Variants in SYCP1 observed in about 807,000 individuals in gnomAD.
SYCP1 encodes cancer/testis antigen 8.
Under a neutral mutation model 153.1 loss-of-function variants are expected in SYCP1, and 64 were observed. The observed-to-expected ratio is 0.42, with a 90% CI of 0.34 to 0.51. SYCP1 has a LOEUF of 0.51. Among genes scored for constraint, SYCP1 ranks in the 20% least tolerant of loss-of-function variants. SYCP1 has a pLI of 0.06. For missense variants in SYCP1, 997 were observed against 1,049.0 expected (o/e 0.95, Z 0.68); for synonymous variants, 384 against 341.8 (o/e 1.12, Z -1.36).
intron 23 of SYCP1, among the ~76,000 whole-genome samples, chr1:114,938,035 T>G (rs1670135771): frequency 6.6e-6 from 1 of 152,146 alleles, no homozygotes. Context: ...GACCCAGAGA[T>G]CCCATTACTG....
At chr1:114,888,490 T>G (rs1236784847) in intron 15 of SYCP1, among the ~76,000 whole-genome samples, 1 of 152,010 alleles carries the variant, frequency 6.6e-6, no homozygotes, top group Non-Finnish European at 1.5e-5. Flanking sequence ...TTGGTTGAAC[T>G]TTTGGACCAT....
At chr1:114,882,535 C>A (rs1016559044) in intron 12 of SYCP1, among the ~76,000 whole-genome samples, 1 of 151,850 alleles carries the variant, frequency 6.6e-6, no homozygotes, top group African/African-American at 2.4e-5. Context: ...ATATACAAAC[C>A]ATAGCTGTTT....
intron 23 of SYCP1, among the ~76,000 whole-genome samples, chr1:114,940,553 T>G (rs1670322067): frequency 6.6e-6 from 1 of 152,218 alleles, no homozygotes; most frequent in Non-Finnish European, 1.5e-5. Context: ...CTCCTGTATC[T>G]CTTAATTTCT....
chr1:114,922,125 T>C (rs1214019769), intron 20 of SYCP1, among the ~76,000 whole-genome samples: 6 of 152,196 alleles, frequency 3.9e-5, no homozygotes, highest in Non-Finnish European at 7.3e-5. Flanking sequence ...GGTTTAAATA[T>C]AGTTGGTATT....
chr1:114,886,719 T>G (rs942959374), intron 14 of SYCP1, among the ~76,000 whole-genome samples: 6 of 152,084 alleles, frequency 3.9e-5, no homozygotes, highest in Non-Finnish European at 7.4e-5. Flanking sequence ...TAGCCTGGCA[T>G]AGGTAAGTAC....
At chr1:114,890,512 C>T (rs1666631499) in intron 15 of SYCP1, among the ~76,000 whole-genome samples, 1 of 151,656 alleles carries the variant, frequency 6.6e-6, no homozygotes, top group African/African-American at 2.4e-5. Flanking sequence ...ATACTGATAC[C>T]AAGAGGAAGC....
intron 29 of SYCP1, among the ~76,000 whole-genome samples, chr1:114,982,269 C>T (rs1408891245): frequency 1.3e-5 from 2 of 151,974 alleles, no homozygotes; most frequent in Non-Finnish European, 2.9e-5. Flanking sequence ...TCTTGGAGTT[C>T]CTGCCTCACT....
intron 27 of SYCP1, among the ~76,000 whole-genome samples, chr1:114,955,580 T>G (rs1671382209): frequency 6.6e-6 from 1 of 152,214 alleles, no homozygotes; most frequent in South Asian, 2.1e-4. Context: ...ATTTCTGTAA[T>G]GGTTAATTAG....
intron 8 of SYCP1, among the ~76,000 whole-genome samples, chr1:114,871,191 A>G (rs1351631456): frequency 6.8e-6 from 1 of 148,030 alleles, no homozygotes; most frequent in Admixed American, 6.7e-5. Context: ...TTTTGGATAC[A>G]GAGTCTTGTT....
intron 16 of SYCP1, among the ~76,000 whole-genome samples, chr1:114,901,606 A>C (rs1447385394): frequency 6.6e-6 from 1 of 152,222 alleles, no homozygotes; most frequent in Non-Finnish European, 1.5e-5. Context: ...AGAATAAAAC[A>C]TTGCTATGTG....
chr1:114,947,325 G>GT lies in SYCP1; in HGVS notation c.2322+11dup. The GT allele has an allele frequency of 6.2e-7, 1 of 1,609,720 alleles. No individual in the cohort carries two copies. Among genetic ancestry groups the GT allele is most frequent in the Non-Finnish European group, 8.5e-7 (1 of 1,177,986 alleles). ...GAAATAGAAAGAGAAGAGAAGGTAG[G>GT]TTTTTTGGCATTATAGATAAAATGA... On this transcript the variant is annotated splice_donor_region_variant and intron_variant, in intron 27 of 31. Transcript: ENST00000369522.
intron 16 of SYCP1, among the ~76,000 whole-genome samples, chr1:114,909,391 A>G (rs1280501429): frequency 6.9e-6 from 1 of 145,138 alleles, no homozygotes; most frequent in Non-Finnish European, 1.5e-5. Flanking sequence ...ACTTGTGTTA[A>G]TTTTTTTTTT....
chr1:114,946,430 C>T (rs1352427919), intron 26 of SYCP1, 49 bp downstream of exon 26: 1 of 1,138,674 alleles, frequency 8.8e-7, no homozygotes, highest in Non-Finnish European at 1.3e-6. Flanking sequence ...ATAATGTCAG[C>T]AGTGACTGGT....
intron 3 of SYCP1, 76 bp from the exon 4 acceptor site, chr1:114,857,156 A>AAAAAAAG (rs774041717): frequency 2.5e-5 from 23 of 921,394 alleles, no homozygotes; most frequent in African/African-American, 6.7e-5. Context: ...AAAAAAAAAA[A>AAAAAAAG]AGAGAAAAAA....
intron 23 of SYCP1, among the ~76,000 whole-genome samples, chr1:114,928,370 T>A (rs1425672446): frequency 6.6e-6 from 1 of 152,108 alleles, no homozygotes; most frequent in Non-Finnish European, 1.5e-5. Flanking sequence ...GAAGGTCAGA[T>A]GACAAAGGAA....
intron 21 of SYCP1, among the ~76,000 whole-genome samples, chr1:114,925,088 T>TAAG (rs1241116613): frequency 6.6e-6 from 1 of 152,174 alleles, no homozygotes; most frequent in Non-Finnish European, 1.5e-5. Flanking sequence ...GTTACATGAC[T>TAAG]AAGAGGTAGT....
chr1:114,924,724 G>C (rs1669145551), intron 21 of SYCP1, among the ~76,000 whole-genome samples: 1 of 152,062 alleles, frequency 6.6e-6, no homozygotes, highest in African/African-American at 2.4e-5. Flanking sequence ...TTAAGGTAGT[G>C]GTGGTAGAGG....
intron 26 of SYCP1, among the ~76,000 whole-genome samples, chr1:114,946,724 G>A (rs944473862): frequency 6.6e-6 from 1 of 151,894 alleles, no homozygotes; most frequent in African/African-American, 2.4e-5. Flanking sequence ...CAAAAAACTT[G>A]ATTTTGTTTT....
chr1:114,992,519 A>G (rs1673993732), intron 30 of SYCP1, among the ~76,000 whole-genome samples: 1 of 151,794 alleles, frequency 6.6e-6, no homozygotes, highest in East Asian at 1.9e-4. Flanking sequence ...ATTTTTGACA[A>G]GAGTGCCAAG....
Sources: gnomAD v4.1 joint callset for allele counts (sites outside exome capture counted in the v4.1 genomes callset) on GRCh38, gnomAD v4.1.1 for gene constraint, MANE v1.5 for transcripts, NCBI Gene and HGNC (gene_info 2026-07-23, HGNC 2026-07-21) for gene names.